Variants in OPRM1 observed in about 807,000 individuals in gnomAD.
OPRM1 encodes mu-type opioid receptor.
Under a neutral mutation model 31.8 loss-of-function variants are expected in OPRM1, and 27 were observed. The observed-to-expected ratio is 0.85, with a 90% CI of 0.63 to 1.17. The LOEUF is 1.17. Among genes scored for constraint, OPRM1 ranks in the 50% most tolerant of loss-of-function variants. The pLI is 0.00. For synonymous variants in OPRM1, 196 were observed against 189.9 expected (o/e 1.03, Z -0.26); for missense variants, 536 against 511.1 (o/e 1.05, Z -0.47).
chr6:154,181,381 CT>C (rs1432354455), intron 3 of OPRM1, among the ~76,000 whole-genome samples: 1 of 152,102 alleles, frequency 6.6e-6, no homozygotes, highest in Non-Finnish European at 1.5e-5. Context: ...TTTAACACTT[CT>C]ATGAGAAGTG....
intron 3 of OPRM1, among the ~76,000 whole-genome samples, chr6:154,177,671 A>G (rs1393515223): frequency 2.0e-5 from 3 of 152,266 alleles, no homozygotes; most frequent in African/African-American, 7.2e-5. Context: ...AGAAATAGGA[A>G]CACTTTTACA....
intron 3 of OPRM1, among the ~76,000 whole-genome samples, chr6:154,242,106 C>T (rs369831209): frequency 2.6e-5 from 4 of 152,254 alleles, no homozygotes; most frequent in Non-Finnish European, 1.5e-5. Context: ...TCAATATAAT[C>T]GCTAACACAG....
intron 3 of OPRM1, among the ~76,000 whole-genome samples, chr6:154,208,356 C>T (rs894660142): frequency 6.6e-6 from 1 of 152,214 alleles, no homozygotes; most frequent in Non-Finnish European, 1.5e-5. Context: ...TCTCACACCA[C>T]CTTTCAAGGT....
At chr6:154,188,256 T>C (rs545312795) in intron 3 of OPRM1, among the ~76,000 whole-genome samples, 1 of 152,326 alleles carries the variant, frequency 6.6e-6, no homozygotes, top group African/African-American at 2.4e-5. Context: ...AAAAATAGCA[T>C]TTAAAACTAT....
At chr6:154,016,649 A>G (rs1294086) in intron 1 of OPRM1, among the ~76,000 whole-genome samples, 23,804 of 152,202 alleles carry the variant, frequency 0.16, 2,558 homozygotes, top group East Asian at 0.4. Flanking sequence ...AGTGAATTTG[A>G]AGAACTTATG....
intron 3 of OPRM1, among the ~76,000 whole-genome samples, chr6:154,153,789 A>G (rs1248511822): frequency 1.3e-5 from 2 of 152,116 alleles, no homozygotes; most frequent in African/African-American, 2.4e-5. Flanking sequence ...AGACAAGCGA[A>G]GTGGGGCACC....
intron 1 of OPRM1, among the ~76,000 whole-genome samples, chr6:154,016,729 A>T (rs184640173): frequency 1.3e-5 from 2 of 152,322 alleles, no homozygotes; most frequent in East Asian, 3.9e-4. Context: ...TATTTTCTAA[A>T]GTTAGGAATA....
In OPRM1 at chr6:154,129,140, C is replaced by T. The variant is rs1473189756; in HGVS notation, c.*10419C>T. The stretch of plus-strand genomic sequence containing the variant: ...GCTCCCTGAGTACACAATTTCTGTC[C>T]CTTTTAAGGGCTCACAACACTAGAT... On this transcript the variant is annotated 3_prime_UTR_variant, in exon 4 of 4. Coordinates refer to ENST00000330432, the MANE Select transcript of OPRM1 (RefSeq NM_000914.5). Among the ~76,000 whole-genome samples the T allele has an allele frequency of 6.6e-6, 1 of 152,092 alleles. No homozygotes were observed. Among genetic ancestry groups the T allele is most frequent in the East Asian group, 1.9e-4 (1 of 5,194 alleles).
intron 3 of OPRM1, chr6:154,091,765 T>G: frequency 9.0e-7 from 1 of 1,105,328 alleles, no homozygotes; most frequent in South Asian, 3.7e-5. Flanking sequence ...CTTTAGCACA[T>G]TATAGAAATA....
At chr6:154,102,420 C>T (rs1362379779) in intron 3 of OPRM1, among the ~76,000 whole-genome samples, 3 of 152,160 alleles carry the variant, frequency 2.0e-5, no homozygotes, top group Admixed American at 1.3e-4. Context: ...TTACTCCAAG[C>T]CATCCGGTGA....
At chr6:154,093,196 T>G in intron 3 of OPRM1, 1 of 1,301,322 alleles carries the variant, frequency 7.7e-7, no homozygotes, top group South Asian at 1.4e-5. Context: ...GATAAAATAT[T>G]TTGCTTTGAA....
At chr6:154,081,375 G>T (rs375295570) in intron 1 of OPRM1, among the ~76,000 whole-genome samples, 4 of 152,110 alleles carry the variant, frequency 2.6e-5, no homozygotes, top group Admixed American at 1.3e-4. Flanking sequence ...GCGTGGTGGC[G>T]GGCGCCTGTA....
chr6:154,056,690 C>T (rs1181835378), intron 1 of OPRM1, among the ~76,000 whole-genome samples: 3 of 151,840 alleles, frequency 2.0e-5, no homozygotes, highest in Non-Finnish European at 2.9e-5. Context: ...TCTTTGTTTC[C>T]GAGCATTTTT....
chr6:154,089,896 A>G lies in OPRM1; in HGVS notation c.361A>G (p.Ser121Gly). ...TGCTCTGGCAGATGCCTTAGCCACC[A>G]GTACCCTGCCCTTCCAGAGTGTGAA... is the stretch of plus-strand genomic sequence containing the variant. ...NLALADALAT[S>G]TLPFQSVNYL... The change falls in exon 2 of 4, where the codon AGT becomes GGT. Residue 121 changes from serine to glycine, a missense_variant. Coordinates refer to ENST00000330432, the MANE Select transcript of OPRM1 (RefSeq NM_000914.5). 2.5e-6 allele frequency: 4 copies of G among 1,614,162 alleles called. 1 individual carries two copies. In the South Asian group the frequency reaches 3.3e-5, roughly 13 times the overall value.
At chr6:154,095,587 T>C (rs1485329712) in intron 3 of OPRM1, among the ~76,000 whole-genome samples, 1 of 152,222 alleles carries the variant, frequency 6.6e-6, no homozygotes, top group Non-Finnish European at 1.5e-5. Context: ...TCATGGTTGT[T>C]TTCTAATTTT....
chr6:154,048,364 A>G (rs2128411438), intron 1 of OPRM1, among the ~76,000 whole-genome samples: 2 of 152,174 alleles, frequency 1.3e-5, no homozygotes, highest in South Asian at 4.2e-4. Context: ...TTCAAGTATC[A>G]ACTTAAATCC....
At chr6:154,022,082 T>C (rs1778409987) in intron 1 of OPRM1, among the ~76,000 whole-genome samples, 1 of 152,248 alleles carries the variant, frequency 6.6e-6, no homozygotes, top group Admixed American at 6.5e-5. Context: ...CTTCAATTTC[T>C]TACCATTAAG....
At chr6:154,030,772 G>A (rs1401280414) in intron 1 of OPRM1, among the ~76,000 whole-genome samples, 1 of 152,086 alleles carries the variant, frequency 6.6e-6, no homozygotes, top group Non-Finnish European at 1.5e-5. Context: ...AACAGACCTT[G>A]TTCTATATCA....
At chr6:154,058,813 A>G (rs559565399) in intron 1 of OPRM1, among the ~76,000 whole-genome samples, 1 of 152,180 alleles carries the variant, frequency 6.6e-6, no homozygotes, top group East Asian at 1.9e-4. Flanking sequence ...AATACACTAC[A>G]TTAAAAAATT....
Sources: allele counts gnomAD v4.1 joint callset (sites outside exome capture counted in the v4.1 genomes callset), GRCh38; gene constraint gnomAD v4.1.1; transcripts MANE v1.5; gene names NCBI Gene and HGNC (gene_info 2026-07-23, HGNC 2026-07-21).